Variants in GRM7 observed in about 807,000 individuals in gnomAD.
The protein encoded by GRM7 is metabotropic glutamate receptor 7.
GRM7 carries 35 observed loss-of-function variants against 84.5 expected under a neutral mutation model. The observed-to-expected ratio is 0.41, with a 90% confidence interval of 0.32 to 0.55. GRM7 has a LOEUF of 0.55. Among genes scored for constraint, GRM7 ranks in the 20% least tolerant of loss-of-function variants. The pLI is 0.19. For synonymous variants in GRM7, 487 were observed against 455.1 expected, an observed-to-expected ratio of 1.07 and a Z score of -0.89; for missense variants, 1,003 against 1,194.6, an observed-to-expected ratio of 0.84 and a Z score of 2.36.
intron 8 of GRM7, among the ~76,000 whole-genome samples, chr3:7,621,966 G>T (rs1158834837): frequency 6.6e-6 from 1 of 152,132 alleles, no homozygotes; most frequent in Non-Finnish European, 1.5e-5. Flanking sequence ...GCAAATGCTA[G>T]AACAACAACT....
intron 2 of GRM7, among the ~76,000 whole-genome samples, chr3:7,182,044 C>G (rs996158587): frequency 3.9e-5 from 6 of 152,168 alleles, no homozygotes; most frequent in African/African-American, 1.4e-4. Flanking sequence ...AAGTTCAAGG[C>G]TAAAGAATAG....
At chr3:6,947,295 C>T (rs143213994) in intron 1 of GRM7, among the ~76,000 whole-genome samples, 125 of 152,190 alleles carry the variant, frequency 8.2e-4, no homozygotes, top group Non-Finnish European at 1.4e-3. Context: ...GCCTTTTCTG[C>T]GTTTATTGAG....
At chr3:7,687,395 G>C (rs370423399) in intron 9 of GRM7, among the ~76,000 whole-genome samples, 1 of 152,264 alleles carries the variant, frequency 6.6e-6, no homozygotes, top group South Asian at 2.1e-4. Context: ...AATATTACAC[G>C]ACAGTGGAAA....
chr3:7,132,954 T>A lies in GRM7; in HGVS notation c.520-13498T>A, dbSNP rs111991340. ...TTTTCAACCCTTCTGAATAATCGAT[T>A]TTTTTTTTACTAGAACATACTTATA... On this transcript the variant is annotated intron_variant, in intron 1 of 9. Transcript: ENST00000357716. Among the ~76,000 whole-genome samples the A allele has an allele frequency of 1.9e-3, 290 of 151,522 alleles. 2 individuals are homozygous for A. Among genetic ancestry groups the A allele is most frequent in the African/African-American group, 6.2e-3 (255 of 41,278 alleles).
chr3:7,373,853 T>C (rs1694236929), intron 4 of GRM7, among the ~76,000 whole-genome samples: 1 of 152,252 alleles, frequency 6.6e-6, no homozygotes, highest in African/African-American at 2.4e-5. Flanking sequence ...ACCAGCCATG[T>C]GTAGCTATCA....
At chr3:7,193,818 CAAAT>C (rs1695794906) in intron 2 of GRM7, among the ~76,000 whole-genome samples, 1 of 151,884 alleles carries the variant, frequency 6.6e-6, no homozygotes, top group African/African-American at 2.4e-5. Flanking sequence ...TTTTTTCACA[CAAAT>C]AAACAACCAG....
At chr3:7,337,585 A>T (rs1701470674) in intron 4 of GRM7, among the ~76,000 whole-genome samples, 2 of 152,110 alleles carry the variant, frequency 1.3e-5, no homozygotes, top group African/African-American at 4.8e-5. Context: ...TCCCATTAAA[A>T]AGTGGGCTAA....
intron 5 of GRM7, among the ~76,000 whole-genome samples, chr3:7,451,321 G>A (rs1283262091): frequency 1.3e-5 from 2 of 152,150 alleles, no homozygotes; most frequent in Non-Finnish European, 2.9e-5. Context: ...ACCTGGTAGA[G>A]CATTAAAATA....
At chr3:7,512,933 A>G (rs1164874729) in intron 7 of GRM7, among the ~76,000 whole-genome samples, 1 of 152,198 alleles carries the variant, frequency 6.6e-6, no homozygotes, top group Non-Finnish European at 1.5e-5. Flanking sequence ...TGGAGAAGGC[A>G]GGAATACCAA....
At chr3:7,162,843 T>A (rs559446375) in intron 2 of GRM7, among the ~76,000 whole-genome samples, 1 of 141,158 alleles carries the variant, frequency 7.1e-6, no homozygotes, top group Non-Finnish European at 1.5e-5. Context: ...CGCTGCAACC[T>A]CCACCTCCTG....
At chr3:7,719,338 A>G (rs1701864129) in intron 9 of GRM7, among the ~76,000 whole-genome samples, 1 of 152,182 alleles carries the variant, frequency 6.6e-6, no homozygotes, top group South Asian at 2.1e-4. Flanking sequence ...TCTACTATCT[A>G]ATTGTGCCCC....
intron 8 of GRM7, among the ~76,000 whole-genome samples, chr3:7,585,956 T>C (rs1695500308): frequency 6.6e-6 from 1 of 152,160 alleles, no homozygotes; most frequent in African/African-American, 2.4e-5. Context: ...TCATTTACCC[T>C]CTCTTCTTCT....
rs572446196 is a variant in GRM7, at chr3:7,350,894, T to C, written c.1033+44242T>C. On this transcript the variant is annotated intron_variant, in intron 4 of 9. Coordinates refer to ENST00000357716, the MANE Select transcript of GRM7 (RefSeq NM_000844.4). Reference sequence around the variant, plus strand: ...CTTTCTCTGTTATGAGGCATAAGAGTGCAAGACAATATGACCAAATGATAC... The same window carrying C: ...CTTTCTCTGTTATGAGGCATAAGAGCGCAAGACAATATGACCAAATGATAC... 6.6e-5 allele frequency among the ~76,000 whole-genome samples: 10 copies of C among 152,100 alleles called. No individual in the cohort carries two copies. The South Asian group carries it at 1.9e-3, about 28-fold the overall frequency.
At chr3:7,298,855 T>C (rs1161795982) in intron 3 of GRM7, 30 bp downstream of exon 3, 3 of 1,587,732 alleles carry the variant, frequency 1.9e-6, no homozygotes, top group African/African-American at 2.7e-5. Flanking sequence ...ATTGTTAATA[T>C]GCATGTTGCA....
chr3:7,373,989 G>T (rs750869616), intron 4 of GRM7, among the ~76,000 whole-genome samples: 2 of 152,144 alleles, frequency 1.3e-5, no homozygotes, highest in South Asian at 4.1e-4. Context: ...TCTGAATAGT[G>T]ATTATGTCAA....
At chr3:7,590,670 T>C (rs1695736105) in intron 8 of GRM7, among the ~76,000 whole-genome samples, 1 of 152,152 alleles carries the variant, frequency 6.6e-6, no homozygotes, top group Admixed American at 6.5e-5. Flanking sequence ...AGGACCTTTG[T>C]TCAGGATATG....
At chr3:7,665,006 GC>G (rs1176895226) in intron 8 of GRM7, among the ~76,000 whole-genome samples, 2 of 151,654 alleles carry the variant, frequency 1.3e-5, no homozygotes, top group African/African-American at 4.9e-5. Flanking sequence ...TTTTCTTTCT[GC>G]CTGCTCAAGC....
intron 1 of GRM7, among the ~76,000 whole-genome samples, chr3:7,006,699 G>T (rs1695192366): frequency 6.6e-6 from 1 of 152,212 alleles, no homozygotes; most frequent in Middle Eastern, 3.4e-3. Flanking sequence ...TTTCATAATT[G>T]AGAAATGAAT....
At chr3:7,198,724 G>A (rs549523172) in intron 2 of GRM7, among the ~76,000 whole-genome samples, 10 of 152,166 alleles carry the variant, frequency 6.6e-5, no homozygotes, top group East Asian at 1.9e-4. Context: ...GTGAAAAACC[G>A]AATTGTTATA....
Sources: allele counts gnomAD v4.1 joint callset (sites outside exome capture counted in the v4.1 genomes callset), GRCh38; gene constraint gnomAD v4.1.1; transcripts MANE v1.5; gene names NCBI Gene and HGNC (gene_info 2026-07-23, HGNC 2026-07-21).